Variants in SLC44A3 observed in about 807,000 individuals in gnomAD.
SLC44A3 encodes solute carrier family 44 member 3.
In SLC44A3, 74 loss-of-function variants were observed where a neutral mutation model predicts 75.4. The observed-to-expected ratio is 0.98, with a 90% CI of 0.81 to 1.19. SLC44A3 has a LOEUF of 1.19. SLC44A3 is among the 50% of genes most tolerant of loss of function. The pLI is 0.00. For synonymous variants in SLC44A3, 310 were observed against 296.9 expected (o/e 1.04, Z -0.45); for missense variants, 700 against 778.6 (o/e 0.90, Z 1.20).
intron 6 of SLC44A3, among the ~76,000 whole-genome samples, chr1:94,838,221 C>T (rs897874847): frequency 2.0e-4 from 30 of 152,308 alleles, no homozygotes; most frequent in African/African-American, 5.1e-4. Context: ...TCTGGCCAAA[C>T]ATGCCTCCAC....
At chr1:94,884,789 G>A (rs1010446190) in intron 12 of SLC44A3, among the ~76,000 whole-genome samples, 1 of 152,094 alleles carries the variant, frequency 6.6e-6, no homozygotes, top group African/African-American at 2.4e-5. Flanking sequence ...TGCTGGCTAA[G>A]CGTTTGATTT....
chr1:94,888,728 GC>G (rs1669873880), intron 12 of SLC44A3: 1 of 912,018 alleles, frequency 1.1e-6, no homozygotes, highest in Non-Finnish European at 1.3e-6. Flanking sequence ...ATGGTTTCCA[GC>G]CTTTTGTCTT....
At chr1:94,829,671 A>C (rs1366336181) in intron 5 of SLC44A3, among the ~76,000 whole-genome samples, 6 of 152,226 alleles carry the variant, frequency 3.9e-5, no homozygotes, top group Non-Finnish European at 5.9e-5. Context: ...GTACTAAAGG[A>C]AAACTTGTAT....
intron 7 of SLC44A3, among the ~76,000 whole-genome samples, chr1:94,841,097 A>G (rs918259796): frequency 1.3e-5 from 2 of 152,198 alleles, no homozygotes; most frequent in Non-Finnish European, 2.9e-5. Context: ...GGCACATGGT[A>G]TAACCTATTA....
At chr1:94,844,856 G>A (rs950050193) in intron 8 of SLC44A3, among the ~76,000 whole-genome samples, 1 of 152,164 alleles carries the variant, frequency 6.6e-6, no homozygotes, top group Non-Finnish European at 1.5e-5. Flanking sequence ...TATGCAGGGA[G>A]GGAAAGCTAG....
intron 12 of SLC44A3, among the ~76,000 whole-genome samples, chr1:94,882,367 C>T (rs970200753): frequency 5.3e-5 from 8 of 152,132 alleles, no homozygotes; most frequent in Admixed American, 1.3e-4. Context: ...CTAATAGGGA[C>T]GAGCCCATCT....
At chr1:94,840,140 T>A in intron 7 of SLC44A3, 103 bp downstream of exon 7, 1 of 967,078 alleles carries the variant, frequency 1.0e-6, no homozygotes, top group Non-Finnish European at 1.6e-6. Context: ...CATGGAGTCT[T>A]AAAGAGTATC....
At chr1:94,843,928 G>A (rs1041215532) in intron 8 of SLC44A3, among the ~76,000 whole-genome samples, 1 of 152,132 alleles carries the variant, frequency 6.6e-6, no homozygotes, top group Non-Finnish European at 1.5e-5. Flanking sequence ...GAGGTTATTG[G>A]GGTCTAGAAG....
intron 11 of SLC44A3, among the ~76,000 whole-genome samples, chr1:94,867,118 C>G (rs528661024): frequency 6.6e-6 from 1 of 152,178 alleles, no homozygotes; most frequent in South Asian, 2.1e-4. Flanking sequence ...TAATAGCACC[C>G]CTAACACGTA....
chr1:94,841,819 C>G (rs1395585442), intron 7 of SLC44A3, among the ~76,000 whole-genome samples, 181 bp from the exon 8 acceptor site: 2 of 152,204 alleles, frequency 1.3e-5, no homozygotes, highest in African/African-American at 4.8e-5. Flanking sequence ...GTTGCCCTGG[C>G]TCTGCCCAGC....
At chr1:94,837,958 C>G in intron 6 of SLC44A3, 87 bp downstream of exon 6, 6 of 1,206,180 alleles carry the variant, frequency 5.0e-6, no homozygotes, top group Non-Finnish European at 6.8e-6. Flanking sequence ...GAAAATTAGC[C>G]TCTTGTTTTA....
chr1:94,890,250 T>C (rs1476546995), intron 12 of SLC44A3, among the ~76,000 whole-genome samples: 1 of 152,222 alleles, frequency 6.6e-6, no homozygotes, highest in East Asian at 1.9e-4. Flanking sequence ...CACTATTTTC[T>C]TAGTACCTTA....
intron 5 of SLC44A3, among the ~76,000 whole-genome samples, chr1:94,832,774 G>T (rs1168393125): frequency 6.6e-6 from 1 of 152,170 alleles, no homozygotes; most frequent in African/African-American, 2.4e-5. Flanking sequence ...AGGAGTTCAA[G>T]ACCAGCCTGG....
At chr1:94,882,423 G>T (rs1669105130) in intron 12 of SLC44A3, among the ~76,000 whole-genome samples, 1 of 152,122 alleles carries the variant, frequency 6.6e-6, no homozygotes, top group Non-Finnish European at 1.5e-5. Context: ...AACAGCCCAG[G>T]CATTCCCCGT....
rs117888287 is a variant in SLC44A3 at position 94,853,264 on chromosome 1, C to T, written c.1073-4071C>T. 1.5e-3 allele frequency among the ~76,000 whole-genome samples: 226 copies of T among 152,100 alleles called. 1 individual carries two copies. Among genetic ancestry groups the T allele is most frequent in the African/African-American group, 5.2e-3 (217 of 41,476 alleles). ...GCGCGGTCCAGTGTGGCAAGTGCTG[C>T]CGCTAAAGGAAGAACTGAGGATTGA... On this transcript the variant is annotated intron_variant, in intron 9 of 14. Transcript: ENST00000271227.
At chr1:94,873,258 CGATGCACCTT>C (rs1197558808) in intron 12 of SLC44A3, among the ~76,000 whole-genome samples, 1 of 152,116 alleles carries the variant, frequency 6.6e-6, no homozygotes, top group East Asian at 1.9e-4. Context: ...CAAGTGACCC[CGATGCACCTT>C]GATGCAGTGT....
chr1:94,823,680 A>G lies in SLC44A3; in HGVS notation c.136-813A>G, dbSNP rs192741687. ...CTTTGCAGCATAAGGTATCAATACT[A>G]TATATTAATGAATAGTGTATTATAT... On this transcript the variant is annotated intron_variant, in intron 2 of 14. Transcript: ENST00000271227. Among the ~76,000 whole-genome samples, 169 of 152,344 alleles carry G rather than the reference A, an allele frequency of 1.1e-3. 1 individual carries two copies. The highest frequency in any genetic ancestry group is 3.8e-3 in the African/African-American group (160 of 41,572).
intron 3 of SLC44A3, among the ~76,000 whole-genome samples, chr1:94,825,511 A>G (rs1342044056): frequency 6.6e-6 from 1 of 151,898 alleles, no homozygotes; most frequent in Non-Finnish European, 1.5e-5. Flanking sequence ...TTGTATTTTT[A>G]GTAGAGACGG....
intron 11 of SLC44A3, among the ~76,000 whole-genome samples, chr1:94,865,828 G>C (rs1471122902): frequency 2.0e-5 from 3 of 152,114 alleles, no homozygotes; most frequent in African/African-American, 7.2e-5. Context: ...TTGTATTTTG[G>C]AATTGTTTTC....
Sources: gnomAD v4.1 joint callset for allele counts (sites outside exome capture counted in the v4.1 genomes callset) on GRCh38, gnomAD v4.1.1 for gene constraint, MANE v1.5 for transcripts, NCBI Gene and HGNC (gene_info 2026-07-23, HGNC 2026-07-21) for gene names.